The following DBH variants were observed in gnomAD, a reference collection of about 807,000 sequenced individuals.
DBH encodes the protein dopamine beta-hydroxylase, also known as dopamine beta-hydroxylase (dopamine beta-monooxygenase).
Under a neutral mutation model 64.0 loss-of-function variants are expected in DBH, and 49 were observed. That is an observed-to-expected ratio of 0.77 (90% confidence interval 0.61 to 0.97). DBH has a LOEUF of 0.97. Among genes scored for constraint, DBH ranks in the 50% least tolerant of loss-of-function variants. The probability of loss-of-function intolerance (pLI) is 0.00; values close to 1 mark genes in which losing one functional copy is unlikely to be tolerated. For synonymous variants in DBH, 343 were observed against 347.1 expected, an observed-to-expected ratio of 0.99 and a Z score of 0.13; for missense variants, 828 against 826.6, an observed-to-expected ratio of 1.00 and a Z score of -0.02.
At chr9:133,646,367 G>T (rs2131287774) in intron 5 of DBH, among the ~76,000 whole-genome samples, 1 of 151,992 alleles carries the variant, frequency 6.6e-6, no homozygotes, top group African/African-American at 2.4e-5. Flanking sequence ...GCATCCGGGG[G>T]CATGGGGCCA....
At chr9:133,651,185 C>T (rs180701020) in intron 6 of DBH, among the ~76,000 whole-genome samples, 104 of 152,386 alleles carry the variant, frequency 6.8e-4, no homozygotes, top group Middle Eastern at 3.4e-3. Flanking sequence ...CGGCCCACCA[C>T]GTAGGGGACC....
intron 6 of DBH, 22 bp from the exon 7 acceptor site, chr9:133,651,612 C>T (rs1363633515): frequency 6.2e-6 from 10 of 1,612,826 alleles, no homozygotes; most frequent in Non-Finnish European, 8.5e-6. Context: ...GGCCCTGACA[C>T]TGCAGCCCCC....
In DBH at chr9:133,639,918, A is replaced by G. The variant is rs1322389468; in HGVS notation, c.412A>G (p.Arg138Gly). 6.2e-7 allele frequency: 1 copy of G among 1,613,692 alleles called. No homozygotes were observed. Among genetic ancestry groups the G allele is most frequent in the Admixed American group, 1.7e-5 (1 of 60,006 alleles). The change falls in exon 2 of 12, where the codon AGG (arginine) becomes GGG (glycine). Residue 138 changes from arginine (R) to glycine (G), a missense_variant. Coordinates refer to ENST00000393056, the MANE Select transcript of DBH (RefSeq NM_000787.4). ...GGACTACCAGCTGCTGCAGGTGCAG[A>G]GGACCCCAGAAGGCCTGACCCTGCT... ...QQDYQLLQVQ[R>G]TPEGLTLLFK...
At position 133,642,281 on chromosome 9, in the gene DBH, C is replaced by T; in HGVS notation, c.561C>T (p.Gly187=). Residue 187 remains glycine (G), a synonymous_variant, in exon 3 of 12, where the codon GGC becomes GGT. Coordinates refer to ENST00000393056, the MANE Select transcript of DBH (RefSeq NM_000787.4). The part of the protein sequence containing the change: ...FRSLEAINGS[G]LQMGLQRVQL... ...CACTGGAGGCCATCAACGGCTCGGG[C>T]CTGCAGATGGGGCTGCAGAGGGTGC... The T allele has an allele frequency of 3.1e-6, 5 of 1,614,028 alleles. No individual in the cohort carries two copies. The highest frequency in any genetic ancestry group is 4.2e-6 in the Non-Finnish European group (5 of 1,180,012).
At chr9:133,653,589 G>A (rs1275319804) in intron 9 of DBH, among the ~76,000 whole-genome samples, 2 of 152,180 alleles carry the variant, frequency 1.3e-5, no homozygotes, top group Non-Finnish European at 2.9e-5. Context: ...GGAAGGCCCA[G>A]AGGACCAAGA....
rs1008071310 is a variant in DBH at position 133,640,114 on chromosome 9, A to G, written c.486+122A>G. 1.2e-5 allele frequency: 16 copies of G among 1,358,506 alleles called. 2 individuals are homozygous for G. The highest frequency in any genetic ancestry group is 3.7e-4 in the Middle Eastern group (2 of 5,478). The allele number at this position is 1,358,506 out of a possible 1,614,324, so 84.2% of individuals were successfully genotyped here. Reference sequence around the variant, plus strand: ...GTCTGGGGCCTGGGCCTGGCCAGCTATGACAGAGAGAAAGCCAAGGAGGAT... The same window carrying G: ...GTCTGGGGCCTGGGCCTGGCCAGCTGTGACAGAGAGAAAGCCAAGGAGGAT... On this transcript the variant is annotated intron_variant, in intron 2 of 11. Coordinates refer to ENST00000393056, the MANE Select transcript of DBH (RefSeq NM_000787.4).
In DBH at chr9:133,642,435, A is replaced by G; in HGVS notation, c.715A>G (p.Lys239Glu). 6.2e-7 allele frequency: 1 copy of G among 1,612,826 alleles called. No homozygotes were observed. The highest frequency in any genetic ancestry group is 8.5e-7 in the Non-Finnish European group (1 of 1,179,486). ...CTGGTGCTACATTAAGGAGCTTCCA[A>G]AGGGCTTCTCTCGGCACCACATTAT... ...TYWCYIKELP[K>E]GFSRHHIIKY... The change falls in exon 3 of 12, where the codon AAG becomes GAG. Residue 239 changes from lysine to glutamate, a missense_variant. Lys to Glu is a moderately conservative substitution (Grantham distance 56). Coordinates refer to ENST00000393056, the MANE Select transcript of DBH (RefSeq NM_000787.4).
In DBH at chr9:133,643,615, G is replaced by A. The variant is rs2131285833; in HGVS notation, c.921+26G>A. 6.2e-7 allele frequency: 1 copy of A among 1,612,280 alleles called. No homozygotes were observed. Among genetic ancestry groups the A allele is most frequent in the Non-Finnish European group, 8.5e-7 (1 of 1,179,602 alleles). On this transcript the variant is annotated intron_variant, in intron 4 of 11. Coordinates refer to ENST00000393056, the MANE Select transcript of DBH (RefSeq NM_000787.4). This position sits in a 1 kb window ranked among gnomAD's most constrained non-coding sequence, Gnocchi z 5.3. ...GTGCGTGCCCTGCGACCCCAGCATG[G>A]TGTCTCCTGCCTGGGCCCCTGGCAT...
chr9:133,639,476 T>C (rs2519155), intron 1 of DBH, among the ~76,000 whole-genome samples: 42,811 of 151,954 alleles, frequency 0.28, 6,340 homozygotes, highest in Non-Finnish European at 0.34. Context: ...GTTCCCAGTC[T>C]TGAGGAGGCC....
rs1832137263 is a variant in DBH at position 133,643,150 on chromosome 9, C to T, written c.745-263C>T. On this transcript the variant is annotated intron_variant, in intron 3 of 11. Coordinates refer to ENST00000393056, the MANE Select transcript of DBH (RefSeq NM_000787.4). This position sits in a 1 kb window ranked among gnomAD's most constrained non-coding sequence, Gnocchi z 5.3. ...CTGCAGGAGCTGGCCCGGCCACAGC[C>T]CCATATGCATGAGGACGGCTGCGTC... is the stretch of plus-strand genomic sequence containing the variant. Among the ~76,000 whole-genome samples the T allele has an allele frequency of 6.6e-6, 1 of 151,616 alleles. No individual in the cohort carries two copies. Among genetic ancestry groups the T allele is most frequent in the African/African-American group, 2.4e-5 (1 of 41,214 alleles).
chr9:133,651,624 G>C lies in DBH; in HGVS notation c.1192-10G>C. On this transcript the variant is annotated splice_polypyrimidine_tract_variant and intron_variant, in intron 6 of 11. Coordinates refer to ENST00000393056, the MANE Select transcript of DBH (RefSeq NM_000787.4). Reference sequence around the variant, plus strand: ...TCAGGCCCTGACACTGCAGCCCCCCGACCCCACAGGCACTGCCTCCCTCCG... The same window carrying C: ...TCAGGCCCTGACACTGCAGCCCCCCCACCCCACAGGCACTGCCTCCCTCCG... 1 of 1,613,176 alleles carries C rather than the reference G, an allele frequency of 6.2e-7. No homozygotes were observed. The highest frequency in any genetic ancestry group is 8.5e-7 in the Non-Finnish European group (1 of 1,179,980).
At chr9:133,657,448 A>AGGAGAGG (rs1260464821) in intron 11 of DBH, 4 of 421,936 alleles carry the variant, frequency 9.5e-6, no homozygotes, top group Admixed American at 3.6e-5. Context: ...GAGAGGAGAG[A>AGGAGAGG]GAGGAGAGAG....
At chr9:133,637,957 C>T (rs559460669) in intron 1 of DBH, among the ~76,000 whole-genome samples, 1 of 152,354 alleles carries the variant, frequency 6.6e-6, no homozygotes, top group East Asian at 1.9e-4. Context: ...AGCCGTCAGC[C>T]GTCTGGAGGA....
chr9:133,642,473 G>T lies in DBH; in HGVS notation c.744+9G>T. 6.2e-7 allele frequency: 1 copy of T among 1,600,728 alleles called. No individual in the cohort carries two copies. Among genetic ancestry groups the T allele is most frequent in the Non-Finnish European group, 8.5e-7 (1 of 1,174,000 alleles). On this transcript the variant is annotated intron_variant, in intron 3 of 11. Coordinates refer to ENST00000393056, the MANE Select transcript of DBH (RefSeq NM_000787.4). ...GGCACCACATTATCAAGGTACGTGC[G>T]GGTCCAGGGCCGAGGTCCTCGCCCA... is the stretch of plus-strand genomic sequence containing the variant.
In DBH at chr9:133,647,906, C is replaced by T. The variant is rs75215331; in HGVS notation, c.1085C>T (p.Ala362Val). The change falls in exon 6 of 12, where the codon GCG becomes GTG. Residue 362 changes from alanine (A) to valine (V), a missense_variant. Coordinates refer to ENST00000393056, the MANE Select transcript of DBH (RefSeq NM_000787.4). ...ACAGCCAAGCTGCGGCGCTTCAACG[C>T]GGGGATCATGGAGCTGGGACTGGTG... ...YYTAKLRRFN[A>V]GIMELGLVYT... is the part of the protein sequence containing the mutation. 1.6e-3 allele frequency: 2,604 copies of T among 1,614,206 alleles called. 5 individuals carry two copies. The highest frequency in any genetic ancestry group is 1.8e-3 in the Non-Finnish European group (2,127 of 1,180,038).
In DBH at chr9:133,641,398, G is replaced by T. The variant is rs142276423; in HGVS notation, c.487-809G>T. Among the ~76,000 whole-genome samples the T allele has an allele frequency of 9.4e-3, 1,427 of 152,288 alleles. 13 individuals are homozygous for T. The highest frequency in any genetic ancestry group is 0.026 in the African/African-American group (1,095 of 41,552). ...ACCCTCTGGAAGCACCTCACAGGGG[G>T]AGGCCAATGCCTGTGTGTGCTCAGC... On this transcript the variant is annotated intron_variant, in intron 2 of 11. Transcript: ENST00000393056.
chr9:133,636,525 C>A lies in DBH; in HGVS notation c.154C>A (p.Pro52Thr). The A allele has an allele frequency of 6.2e-7, 1 of 1,613,496 alleles. No individual in the cohort carries two copies. The highest frequency in any genetic ancestry group is 8.5e-7 in the Non-Finnish European group (1 of 1,180,018). Residue 52 changes from proline to threonine, a missense_variant, in exon 1 of 12, where the codon CCC becomes ACC. Physicochemically the swap from Pro to Thr is conservative, Grantham distance 38. Transcript: ENST00000393056. ...PRESPLPYHI[P>T]LDPEGSLELS... The stretch of plus-strand genomic sequence containing the variant: ...TGAGAGCCCCCTCCCCTATCACATC[C>A]CCCTGGACCCGGAGGGGTCCCTGGA...
intron 6 of DBH, among the ~76,000 whole-genome samples, 199 bp from the exon 7 acceptor site, chr9:133,651,435 G>A (rs1469527995): frequency 6.6e-6 from 1 of 152,216 alleles, no homozygotes; most frequent in East Asian, 1.9e-4. Context: ...GGGAGCTGGG[G>A]GCTGTTGCGG....
intron 10 of DBH, among the ~76,000 whole-genome samples, 185 bp downstream of exon 10, chr9:133,656,835 C>T (rs567137931): frequency 2.2e-4 from 33 of 152,330 alleles, no homozygotes; most frequent in Middle Eastern, 3.4e-3. Flanking sequence ...TCAGAGCCTC[C>T]TCAACCCAGC....
Sources: gnomAD v4.1 joint callset for allele counts (sites outside exome capture counted in the v4.1 genomes callset) on GRCh38, gnomAD v4.1.1 for gene constraint, Gnocchi (gnomAD v3.1) non-coding constraint, MANE v1.5 for transcripts, NCBI Gene and HGNC (gene_info 2026-07-23, HGNC 2026-07-21) for gene names.